The following MGAT4A variants were observed in gnomAD, a reference collection of about 807,000 sequenced individuals.
MGAT4A encodes the protein N-acetylglucosaminyltransferase IVa.
MGAT4A carries 33 observed loss-of-function variants against 74.1 expected under a neutral mutation model. The observed-to-expected ratio is 0.45, with a 90% CI of 0.34 to 0.60. The LOEUF (loss-of-function observed/expected upper bound fraction) is 0.60. Ranked by LOEUF, MGAT4A falls within the 20% of genes least tolerant of loss-of-function variation. MGAT4A has a pLI of 0.02. For synonymous variants in MGAT4A, 198 were observed against 210.4 expected (o/e 0.94, Z 0.51); for missense variants, 479 against 628.3 (o/e 0.76, Z 2.54).
chr2:98,686,843 C>T (rs917980030), intron 2 of MGAT4A, among the ~76,000 whole-genome samples: 2 of 152,290 alleles, frequency 1.3e-5, no homozygotes, highest in South Asian at 4.1e-4. Context: ...CTTGACTTCC[C>T]TTGGGAAAGG....
intron 8 of MGAT4A, among the ~76,000 whole-genome samples, chr2:98,647,822 A>G (rs971044964): frequency 4.6e-5 from 7 of 152,232 alleles, no homozygotes; most frequent in Non-Finnish European, 8.8e-5. Flanking sequence ...GGGTATGTCT[A>G]TGACAATCAC....
intron 2 of MGAT4A, among the ~76,000 whole-genome samples, chr2:98,722,855 G>T (rs1702696832): frequency 6.6e-6 from 1 of 152,110 alleles, no homozygotes; most frequent in African/African-American, 2.4e-5. Context: ...AGGGACCCGT[G>T]ACTGCTTCAT....
At chr2:98,710,947 G>C (rs191620992) in intron 2 of MGAT4A, among the ~76,000 whole-genome samples, 2 of 151,926 alleles carry the variant, frequency 1.3e-5, no homozygotes, top group Non-Finnish European at 2.9e-5. Context: ...GAAGAACGGC[G>C]GGTGGGGAGG....
At chr2:98,728,803 C>T (rs1466353733) in intron 1 of MGAT4A, among the ~76,000 whole-genome samples, 1 of 151,604 alleles carries the variant, frequency 6.6e-6, no homozygotes, top group Non-Finnish European at 1.5e-5. Context: ...AATAAGCACC[C>T]AATAATGAAT....
intron 2 of MGAT4A, among the ~76,000 whole-genome samples, chr2:98,721,857 G>A (rs568881758): frequency 6.6e-6 from 1 of 152,058 alleles, no homozygotes; most frequent in East Asian, 1.9e-4. Context: ...ATAAGGCACA[G>A]GAAAAACAAA....
At chr2:98,688,698 G>A (rs781505282) in intron 2 of MGAT4A, among the ~76,000 whole-genome samples, 2 of 152,180 alleles carry the variant, frequency 1.3e-5, no homozygotes, top group African/African-American at 2.4e-5. Flanking sequence ...CCAACAGTCT[G>A]GATAAGCTTG....
intron 2 of MGAT4A, among the ~76,000 whole-genome samples, chr2:98,685,449 T>G (rs1046383881): frequency 2.0e-5 from 3 of 152,116 alleles, no homozygotes; most frequent in African/African-American, 7.2e-5. Flanking sequence ...GCATCACTCT[T>G]ACACAACCAT....
chr2:98,622,439 T>C lies in MGAT4A; in HGVS notation c.*3127A>G. Reference sequence around the variant, plus strand: ...CATGTGTCTACTGGCTATATGTGTTTTTAAAACTAGTCCCAACCTTTGACA... The same window carrying C: ...CATGTGTCTACTGGCTATATGTGTTCTTAAAACTAGTCCCAACCTTTGACA... On this transcript the variant is annotated 3_prime_UTR_variant, in exon 16 of 16. Transcript: ENST00000393487. 1 of 985,482 alleles carries C rather than the reference T, an allele frequency of 1.0e-6. No individual in the cohort carries two copies. Among genetic ancestry groups the C allele is most frequent in the Non-Finnish European group, 1.2e-6 (1 of 829,940 alleles). 61.0% of individuals were successfully genotyped at this position (985,482 alleles called of 1,614,324 possible).
Position 98,625,785 on chromosome 2 carries a change from G to T in MGAT4A, c.1519C>A (p.Pro507Thr), listed in dbSNP as rs1391240794. The change falls in exon 15 of 16, where the codon CCC becomes ACC. Residue 507 changes from proline (P) to threonine (T), a missense_variant. Physicochemically the swap from Pro to Thr is conservative, Grantham distance 38. Transcript: ENST00000393487. ...ACTGAAAGTCGAAAGGCTGAAATGG[G>T]ATTGAGACTTGGATCCACCATTCCT... ...AEGMVDPSLN[P>T]ISAFRLSVIQ... 7.4e-6 allele frequency: 12 copies of T among 1,612,146 alleles called. No individual in the cohort carries two copies. In the Admixed American group the frequency reaches 8.3e-5, roughly 11 times the overall value.
At position 98,675,284 on chromosome 2, in the gene MGAT4A, T is replaced by C; in HGVS notation, c.263-109A>G. 7.7e-6 allele frequency: 6 copies of C among 782,798 alleles called. 1 individual carries two copies. Among genetic ancestry groups the C allele is most frequent in the Non-Finnish European group, 9.9e-6 (5 of 506,954 alleles). 48.5% of individuals were successfully genotyped at this position (782,798 alleles called of 1,614,324 possible). A position where few individuals can be genotyped will look rare whatever the true frequency, so the allele number is the denominator to read the frequency against. On this transcript the variant is annotated intron_variant, in intron 3 of 15. Transcript: ENST00000393487. ...AGAACTAGAACTAAAGAATTTTCTT[T>C]CCTAGTTTCACACTCTGGTGAATGA... is the stretch of plus-strand genomic sequence containing the variant.
At chr2:98,627,685 C>T (rs913743321) in intron 14 of MGAT4A, among the ~76,000 whole-genome samples, 1 of 152,116 alleles carries the variant, frequency 6.6e-6, no homozygotes, top group African/African-American at 2.4e-5. Flanking sequence ...TTAGCAAAAA[C>T]GAATTTTCAA....
intron 3 of MGAT4A, among the ~76,000 whole-genome samples, chr2:98,677,236 T>A (rs533510832): frequency 5.3e-5 from 8 of 152,310 alleles, no homozygotes; most frequent in African/African-American, 1.7e-4. Flanking sequence ...ACTAGGAAAC[T>A]ATGTATGTTC....
chr2:98,655,669 G>A (rs758056923), intron 7 of MGAT4A, 149 bp from the exon 8 acceptor site: 5 of 532,478 alleles, frequency 9.4e-6, no homozygotes, highest in South Asian at 5.9e-5. Flanking sequence ...CACTTAGGAC[G>A]AAGAGTCAAA....
chr2:98,714,073 T>C (rs1396010157), intron 2 of MGAT4A, among the ~76,000 whole-genome samples: 4 of 152,188 alleles, frequency 2.6e-5, no homozygotes, highest in African/African-American at 7.2e-5. Flanking sequence ...AGCAACTATA[T>C]TGGGATAGTA....
intron 8 of MGAT4A, among the ~76,000 whole-genome samples, chr2:98,649,249 G>A (rs1701541153): frequency 6.6e-6 from 1 of 152,192 alleles, no homozygotes; most frequent in Non-Finnish European, 1.5e-5. Context: ...AGTACATACA[G>A]CATGATCCTC....
intron 2 of MGAT4A, among the ~76,000 whole-genome samples, chr2:98,703,417 G>A (rs988950239): frequency 2.0e-5 from 3 of 152,008 alleles, no homozygotes; most frequent in African/African-American, 7.3e-5. Flanking sequence ...AGGCCCCAGA[G>A]TATAGGATAC....
At chr2:98,650,079 T>C (rs192853710) in intron 8 of MGAT4A, among the ~76,000 whole-genome samples, 169 of 152,100 alleles carry the variant, frequency 1.1e-3, no homozygotes, top group Middle Eastern at 0.01. Flanking sequence ...TCAATAGAGA[T>C]AGAAACTATA....
chr2:98,728,724 G>A (rs1450903389), intron 1 of MGAT4A, among the ~76,000 whole-genome samples: 1 of 150,286 alleles, frequency 6.7e-6, no homozygotes, highest in Non-Finnish European at 1.5e-5. Flanking sequence ...ACTCCAGCCT[G>A]GGTGACAGAG....
Position 98,726,369 on chromosome 2 carries a change from T to A in MGAT4A, c.-37A>T. On this transcript the variant is annotated 5_prime_UTR_variant, in exon 2 of 16. Transcript: ENST00000393487. ...ATCACACTGGTCCATATGTTTATGATGACAACAACCAGGACTGTTTTCTTT... is the reference window on the plus strand; with the variant it reads ...ATCACACTGGTCCATATGTTTATGAAGACAACAACCAGGACTGTTTTCTTT... 3.8e-6 allele frequency: 6 copies of A among 1,569,158 alleles called. No homozygotes were observed. Among genetic ancestry groups the A allele is most frequent in the Non-Finnish European group, 5.3e-6 (6 of 1,141,268 alleles).
Sources: allele counts gnomAD v4.1 joint callset (sites outside exome capture counted in the v4.1 genomes callset), GRCh38; gene constraint gnomAD v4.1.1; transcripts MANE v1.5; gene names NCBI Gene and HGNC (gene_info 2026-07-23, HGNC 2026-07-21).